The following MALT1 variants were observed in gnomAD, a reference collection of about 807,000 sequenced individuals.
MALT1 encodes the protein mucosa-associated lymphoid tissue lymphoma translocation protein 1.
A neutral mutation model predicts 85.5 loss-of-function variants in MALT1; 36 were observed. The ratio of observed to expected loss-of-function variants is 0.42; its 90% confidence interval spans 0.32 to 0.56. MALT1 has a LOEUF of 0.56. Ranked by LOEUF, MALT1 falls within the 20% of genes least tolerant of loss-of-function variation. MALT1 has a pLI of 0.10. For missense variants in MALT1, 716 were observed against 981.6 expected (o/e 0.73, Z 3.62); for synonymous variants, 359 against 361.3 (o/e 0.99, Z 0.07).
intron 9 of MALT1, among the ~76,000 whole-genome samples, chr18:58,722,121 A>AT (rs2054993281): frequency 1.0e-5 from 1 of 99,036 alleles, no homozygotes; most frequent in African/African-American, 5.6e-5. Context: ...TTTTTTTTTT[A>AT]TTTTTTTCTT....
chr18:58,699,142 C>T (rs1437307794), intron 3 of MALT1, among the ~76,000 whole-genome samples: 1 of 152,132 alleles, frequency 6.6e-6, no homozygotes, highest in African/African-American at 2.4e-5. Context: ...GCCCAAGTAG[C>T]CTTTGTTAAG....
chr18:58,713,273 A>G (rs559109617), intron 7 of MALT1, among the ~76,000 whole-genome samples: 79 of 152,296 alleles, frequency 5.2e-4, no homozygotes, highest in African/African-American at 1.8e-3. Flanking sequence ...ATAGATAGCT[A>G]TAATGTCATT....
chr18:58,752,372 T>C lies in MALT1; in HGVS notation c.*4530T>C, dbSNP rs1022708985. The C allele has an allele frequency of 6.6e-6, 1 of 152,190 alleles. No individual in the cohort carries two copies. Among genetic ancestry groups the C allele is most frequent in the East Asian group, 1.9e-4 (1 of 5,206 alleles). The allele number at this position is 152,190 out of a possible 1,614,324, so 9.4% of individuals were successfully genotyped here. A position where few individuals can be genotyped will look rare whatever the true frequency, so the allele number is the denominator to read the frequency against. On this transcript the variant is annotated 3_prime_UTR_variant, in exon 17 of 17. Coordinates refer to ENST00000649217, the MANE Select transcript of MALT1 (RefSeq NM_006785.4). ...ATTCCTTGAACATTCACCTGACGCT[T>C]ATATACTGTCATTACTTTTATCTGT...
rs1379671509 is a variant in MALT1, at chr18:58,752,309, T to C, written c.*4467T>C. On this transcript the variant is annotated 3_prime_UTR_variant, in exon 17 of 17. Coordinates refer to ENST00000649217, the MANE Select transcript of MALT1 (RefSeq NM_006785.4). ...ATGTATGTAATTTTACTTTTAAGGG[T>C]TTTTTTCCAAACAGACGTCCTGACA... 1 of 151,650 alleles carries C rather than the reference T, an allele frequency of 6.6e-6. No individual in the cohort carries two copies. The highest frequency in any genetic ancestry group is 1.9e-4 in the East Asian group (1 of 5,192). The allele number at this position is 151,650 out of a possible 1,614,324, so 9.4% of individuals were successfully genotyped here. A position where few individuals can be genotyped will look rare whatever the true frequency, so the allele number is the denominator to read the frequency against.
chr18:58,671,631 G>T lies in MALT1; in HGVS notation c.-13G>T. 1 of 1,212,538 alleles carries T rather than the reference G, an allele frequency of 8.2e-7. No individual in the cohort carries two copies. Among genetic ancestry groups the T allele is most frequent in the Non-Finnish European group, 1.0e-6 (1 of 975,426 alleles). 75.1% of individuals were successfully genotyped at this position (1,212,538 alleles called of 1,614,324 possible). A position where few individuals can be genotyped will look rare whatever the true frequency, so the allele number is the denominator to read the frequency against. On this transcript the variant is annotated 5_prime_UTR_variant, in exon 1 of 17. Coordinates refer to ENST00000649217, the MANE Select transcript of MALT1 (RefSeq NM_006785.4). ...GCGGGAGCCCCGGCAGTCCGGGGTC[G>T]CCGGCGAGGGCCATGTCGCTGTTGG...
chr18:58,694,138 A>C (rs566434436), intron 2 of MALT1, among the ~76,000 whole-genome samples: 23 of 152,364 alleles, frequency 1.5e-4, no homozygotes, highest in African/African-American at 5.0e-4. Context: ...TGGCCTCGAC[A>C]TAAAGGATTA....
rs150624858 is a variant in MALT1, at chr18:58,747,651, C to G, written c.2284C>G (p.His762Asp). The change falls in exon 17 of 17, where the codon CAT becomes GAT. Residue 762 changes from histidine to aspartate, a missense_variant. Physicochemically the swap from His to Asp is moderately conservative, Grantham distance 81 (BLOSUM62 -1). Transcript: ENST00000649217. Reference protein sequence around the residue: ...SLQDPFHGVYHSHPGNPSNVT... With the variant: ...SLQDPFHGVYDSHPGNPSNVT... ...GCAAGACCCATTCCATGGTGTTTAC[C>G]ATTCACATCCTGGTAATCCAAGTAA... 1 of 1,614,028 alleles carries G rather than the reference C, an allele frequency of 6.2e-7. No homozygotes were observed. The highest frequency in any genetic ancestry group is 8.5e-7 in the Non-Finnish European group (1 of 1,180,002).
At chr18:58,729,660 A>T (rs1161711644) in intron 10 of MALT1, among the ~76,000 whole-genome samples, 3 of 152,160 alleles carry the variant, frequency 2.0e-5, no homozygotes, top group Non-Finnish European at 2.9e-5. Context: ...TGTTATATGG[A>T]TTAAAATTAG....
In MALT1 at chr18:58,681,231, T is replaced by C; in HGVS notation, c.271T>C (p.Cys91Arg). The change falls in exon 2 of 17, where the codon TGT (cysteine) becomes CGT (arginine). Residue 91 changes from cysteine (C) to arginine (R), a missense_variant. This residue lies in a region of MALT1 where 290 missense variants were observed against 380.5 expected (regional missense o/e 0.76). Transcript: ENST00000649217. Reference sequence around the variant, plus strand: ...GGAGCCTGAAGGAAGCCCCAGCCTGTGTCTGCTGAAGTTAATGGGTGAAAA... The same window carrying C: ...GGAGCCTGAAGGAAGCCCCAGCCTGCGTCTGCTGAAGTTAATGGGTGAAAA... The part of the protein sequence containing the change: ...VLEPEGSPSL[C>R]LLKLMGEKGC... 6.2e-7 allele frequency: 1 copy of C among 1,614,190 alleles called. No homozygotes were observed. The highest frequency in any genetic ancestry group is 8.5e-7 in the Non-Finnish European group (1 of 1,180,008).
chr18:58,714,229 A>G (rs1037653651), intron 8 of MALT1, 120 bp downstream of exon 8: 14 of 472,632 alleles, frequency 3.0e-5, no homozygotes, highest in Non-Finnish European at 5.3e-5. Flanking sequence ...TTATTGAAAT[A>G]ATATAATTTA....
At position 58,752,759 on chromosome 18, in the gene MALT1, C is replaced by G. The variant is rs992309962; in HGVS notation, c.*4917C>G. ...AGGTTACGGTGAGTAGAGATTGTGCCACTGCACTCCAGCCTGGACGACAGG... is the reference window on the plus strand; with the variant it reads ...AGGTTACGGTGAGTAGAGATTGTGCGACTGCACTCCAGCCTGGACGACAGG... On this transcript the variant is annotated 3_prime_UTR_variant, in exon 17 of 17. Transcript: ENST00000649217. The G allele has an allele frequency of 7.2e-5, 11 of 152,200 alleles. No homozygotes were observed. The highest frequency in any genetic ancestry group is 2.4e-4 in the African/African-American group (10 of 41,434). The allele number at this position is 152,200 out of a possible 1,614,324, so 9.4% of individuals were successfully genotyped here. A position where few individuals can be genotyped will look rare whatever the true frequency, so the allele number is the denominator to read the frequency against.
intron 13 of MALT1, among the ~76,000 whole-genome samples, chr18:58,741,077 C>G (rs565517212): frequency 6.6e-6 from 1 of 152,070 alleles, no homozygotes; most frequent in Non-Finnish European, 1.5e-5. Context: ...CTTTTACTTT[C>G]CTACTCTTAA....
intron 9 of MALT1, among the ~76,000 whole-genome samples, chr18:58,721,995 A>G (rs2054990250): frequency 6.6e-6 from 1 of 152,060 alleles, no homozygotes; most frequent in African/African-American, 2.4e-5. Flanking sequence ...CATTTCTGTC[A>G]CTGCTGCTAC....
At chr18:58,742,316 C>T (rs554954642) in intron 14 of MALT1, among the ~76,000 whole-genome samples, 52 of 152,088 alleles carry the variant, frequency 3.4e-4, no homozygotes, top group Non-Finnish European at 5.3e-4. Context: ...CCTTTAGATT[C>T]TCCTATATTG....
At chr18:58,746,681 A>G (rs968148455) in intron 16 of MALT1, among the ~76,000 whole-genome samples, 3 of 152,154 alleles carry the variant, frequency 2.0e-5, no homozygotes, top group Admixed American at 2.0e-4. Context: ...TTACTATAAT[A>G]TTTTAAAAAC....
At chr18:58,696,565 T>G in intron 3 of MALT1, 78 bp downstream of exon 3, 1 of 1,230,660 alleles carries the variant, frequency 8.1e-7, no homozygotes, top group Non-Finnish European at 1.1e-6. Flanking sequence ...TCGTCCTAAA[T>G]GTAGTTTTAA....
chr18:58,742,626 T>C lies in MALT1; in HGVS notation c.1753+612T>C, dbSNP rs147350991. 1.4e-4 allele frequency among the ~76,000 whole-genome samples: 21 copies of C among 152,310 alleles called. No individual in the cohort carries two copies. In the East Asian group the frequency reaches 3.9e-3, roughly 28 times the overall value. Reference sequence around the variant, plus strand: ...GGGTGGCTGAGGCAAGAGAATCTCTTGAACCTGAGAGGTGGAGGTTGCAGT... The same window carrying C: ...GGGTGGCTGAGGCAAGAGAATCTCTCGAACCTGAGAGGTGGAGGTTGCAGT... On this transcript the variant is annotated intron_variant, in intron 14 of 16. Coordinates refer to ENST00000649217, the MANE Select transcript of MALT1 (RefSeq NM_006785.4).
At chr18:58,744,964 A>G (rs1268771974) in intron 15 of MALT1, among the ~76,000 whole-genome samples, 1 of 151,766 alleles carries the variant, frequency 6.6e-6, no homozygotes, top group Non-Finnish European at 1.5e-5. Flanking sequence ...CCTCTTTCCT[A>G]CATGAGTGTG....
chr18:58,684,820 G>T (rs2054376949), intron 2 of MALT1, among the ~76,000 whole-genome samples: 2 of 152,136 alleles, frequency 1.3e-5, no homozygotes, highest in African/African-American at 4.8e-5. Context: ...TTTTAATAAA[G>T]ATATTGAGAA....
Sources: allele counts gnomAD v4.1 joint callset (sites outside exome capture counted in the v4.1 genomes callset), GRCh38; gene constraint gnomAD v4.1.1; regional missense constraint gnomAD v4.1.1; transcripts MANE v1.5; gene names NCBI Gene and HGNC (gene_info 2026-07-23, HGNC 2026-07-21).